The following EML5 variants were observed in gnomAD, a reference collection of about 807,000 sequenced individuals.
EML5 encodes echinoderm microtubule-associated protein-like 5.
Under a neutral mutation model 250.0 loss-of-function variants are expected in EML5, and 120 were observed. The observed-to-expected ratio is 0.48, with a 90% CI of 0.41 to 0.56. EML5 has a LOEUF of 0.56. Among genes scored for constraint, EML5 ranks in the 20% least tolerant of loss-of-function variants. EML5 has a pLI of 0.00. For missense variants in EML5, 2,006 were observed against 2,437.6 expected (o/e 0.82, Z 3.73); for synonymous variants, 771 against 806.5 (o/e 0.96, Z 0.75).
intron 4 of EML5, 26 bp downstream of exon 4, chr14:88,743,997 A>G (rs2140279214): frequency 6.7e-7 from 1 of 1,489,286 alleles, no homozygotes; most frequent in Non-Finnish European, 9.1e-7. Context: ...AAACGTGACT[A>G]TTATAAAACA....
intron 1 of EML5, among the ~76,000 whole-genome samples, chr14:88,783,785 C>T (rs1469993159): frequency 6.6e-6 from 1 of 152,166 alleles, no homozygotes; most frequent in African/African-American, 2.4e-5. Flanking sequence ...AAACATCTGA[C>T]TTAATGTGCA....
Position 88,614,572 on chromosome 14 carries a change from C to A in EML5, c.*1246G>T, listed in dbSNP as rs868857798. 6.6e-6 allele frequency: 1 copy of A among 152,132 alleles called. No individual in the cohort carries two copies. The highest frequency in any genetic ancestry group is 1.5e-5 in the Non-Finnish European group (1 of 68,030). 9.4% of individuals were successfully genotyped at this position (152,132 alleles called of 1,614,324 possible). ...AAAGATAATTAACACATTAAAAACT[C>A]ATAGGGTCAATACAGCATCTTAAAC... On this transcript the variant is annotated 3_prime_UTR_variant, in exon 44 of 44. Transcript: ENST00000554922.
At chr14:88,706,746 G>C (rs1289645440) in intron 10 of EML5, among the ~76,000 whole-genome samples, 1 of 152,128 alleles carries the variant, frequency 6.6e-6, no homozygotes, top group Non-Finnish European at 1.5e-5. Flanking sequence ...AAATTCAAAG[G>C]ACTAATCAAC....
chr14:88,667,715 C>T (rs2092344830), intron 21 of EML5, among the ~76,000 whole-genome samples: 1 of 152,198 alleles, frequency 6.6e-6, no homozygotes, highest in Non-Finnish European at 1.5e-5. Flanking sequence ...ACTAACAGAG[C>T]CCGGGCACTG....
chr14:88,670,633 A>T (rs891531087), intron 21 of EML5, among the ~76,000 whole-genome samples: 1 of 152,194 alleles, frequency 6.6e-6, no homozygotes, highest in Non-Finnish European at 1.5e-5. Flanking sequence ...AGCTAAAGGA[A>T]CAAGTTCTAA....
At position 88,618,608 on chromosome 14, in the gene EML5, C is replaced by A. The variant is rs201768125; in HGVS notation, c.5538+42G>T. ...CATTCACTAACACGAAATGTAAAAG[C>A]AGAAGAACTTGCCACCTGGGTATAC... On this transcript the variant is annotated intron_variant, in intron 40 of 43. Transcript: ENST00000554922. The A allele has an allele frequency of 7.6e-6, 12 of 1,573,880 alleles. No homozygotes were observed. The East Asian group carries it at 1.8e-4, about 24-fold the overall frequency.
chr14:88,685,775 A>G (rs1179362240), intron 19 of EML5, among the ~76,000 whole-genome samples: 1 of 152,062 alleles, frequency 6.6e-6, no homozygotes, highest in Non-Finnish European at 1.5e-5. Context: ...TAACTTTTAG[A>G]TTGCTTATAT....
At chr14:88,755,419 T>C (rs939472798) in intron 1 of EML5, among the ~76,000 whole-genome samples, 4 of 152,092 alleles carry the variant, frequency 2.6e-5, no homozygotes, top group African/African-American at 4.8e-5. Flanking sequence ...ACTCCTACTA[T>C]AACACTAATT....
rs534758802 is a variant in EML5, at chr14:88,657,260, G to T, written c.4004+116C>A. The T allele has an allele frequency of 2.4e-5, 25 of 1,038,712 alleles. No individual in the cohort carries two copies. The African/African-American group carries it at 4.1e-4, about 17-fold the overall frequency. The allele number at this position is 1,038,712 out of a possible 1,614,324, so 64.3% of individuals were successfully genotyped here. On this transcript the variant is annotated intron_variant, in intron 27 of 43. Transcript: ENST00000554922. Reference sequence around the variant, plus strand: ...TACTTTCTAAGAGGTGCTGTGAATTGTCTATAGCAAGAATATCACTGTTAC... The same window carrying T: ...TACTTTCTAAGAGGTGCTGTGAATTTTCTATAGCAAGAATATCACTGTTAC...
chr14:88,781,337 AT>A (rs1320232517), intron 1 of EML5, among the ~76,000 whole-genome samples: 1 of 152,000 alleles, frequency 6.6e-6, no homozygotes, highest in African/African-American at 2.4e-5. Flanking sequence ...CTTACATCTG[AT>A]TTTTTTTCTT....
At chr14:88,748,882 G>A (rs1035448890) in intron 2 of EML5, among the ~76,000 whole-genome samples, 2 of 151,016 alleles carry the variant, frequency 1.3e-5, no homozygotes, top group African/African-American at 4.9e-5. Context: ...CCAAAATAAA[G>A]TACAGAAAGA....
At chr14:88,725,062 AT>A (rs1049157713) in intron 8 of EML5, among the ~76,000 whole-genome samples, 3 of 152,120 alleles carry the variant, frequency 2.0e-5, no homozygotes, top group African/African-American at 4.8e-5. Context: ...TGTTATATTC[AT>A]TTTTTTAAAA....
At chr14:88,664,214 T>C (rs887526176) in intron 23 of EML5, among the ~76,000 whole-genome samples, 3 of 150,546 alleles carry the variant, frequency 2.0e-5, no homozygotes, top group Non-Finnish European at 4.4e-5. Context: ...GAGGTTAAGG[T>C]TGTAGTGAAC....
chr14:88,618,897 T>C lies in EML5; in HGVS notation c.5376-85A>G, dbSNP rs998562169. 9.3e-6 allele frequency: 13 copies of C among 1,399,780 alleles called. No homozygotes were observed. In the African/African-American group the frequency reaches 1.7e-4, roughly 19 times the overall value. 86.7% of individuals were successfully genotyped at this position (1,399,780 alleles called of 1,614,324 possible). A position where few individuals can be genotyped will look rare whatever the true frequency, so the allele number is the denominator to read the frequency against. ...ATCAGTGACTTTTCCTTTCTAGTTC[T>C]TAAAAGTAACGTGTGATAAGGCCTC... On this transcript the variant is annotated intron_variant, in intron 39 of 43. Coordinates refer to ENST00000554922, the MANE Select transcript of EML5 (RefSeq NM_183387.3).
At chr14:88,747,812 A>G (rs2094029112) in intron 2 of EML5, among the ~76,000 whole-genome samples, 1 of 152,218 alleles carries the variant, frequency 6.6e-6, no homozygotes, top group African/African-American at 2.4e-5. Context: ...GACCGAAAGT[A>G]TGAGAGAGGT....
chr14:88,776,284 A>G (rs972457885), intron 1 of EML5, among the ~76,000 whole-genome samples: 1 of 152,178 alleles, frequency 6.6e-6, no homozygotes, highest in Non-Finnish European at 1.5e-5. Flanking sequence ...CCAGGGACCA[A>G]TCCTGGAGGA....
intron 1 of EML5, 39 bp from the exon 2 acceptor site, chr14:88,754,710 A>AT: frequency 6.6e-7 from 1 of 1,526,272 alleles, no homozygotes; most frequent in Non-Finnish European, 8.9e-7. Flanking sequence ...ATTATTAAAA[A>AT]TTGCTTATAC....
At chr14:88,618,498 G>T (rs370450451) in intron 40 of EML5, 152 bp downstream of exon 40, 2 of 1,094,340 alleles carry the variant, frequency 1.8e-6, no homozygotes, top group South Asian at 1.6e-5. Context: ...TCTGATAAGT[G>T]GGGGAGGAAA....
At chr14:88,722,512 G>A (rs1595668797) in intron 8 of EML5, among the ~76,000 whole-genome samples, 1 of 151,778 alleles carries the variant, frequency 6.6e-6, no homozygotes, top group East Asian at 1.9e-4. Context: ...ACTAATGCAG[G>A]AACAGAAAAG....
Sources: gnomAD v4.1 joint callset for allele counts (sites outside exome capture counted in the v4.1 genomes callset) on GRCh38, gnomAD v4.1.1 for gene constraint, MANE v1.5 for transcripts, NCBI Gene and HGNC (gene_info 2026-07-23, HGNC 2026-07-21) for gene names.